GLE1: variants seen among roughly 807,000 people sequenced by gnomAD.
GLE1 encodes GLE1 RNA export mediator.
In GLE1, 78 loss-of-function variants were observed where a neutral mutation model predicts 97.3. The observed-to-expected ratio is 0.80, with a 90% CI of 0.67 to 0.97. The LOEUF (loss-of-function observed/expected upper bound fraction) is 0.97, where lower values mean the gene tolerates loss of function less well. GLE1 is among the 50% of genes least tolerant of loss of function. The pLI, the probability that GLE1 is intolerant of heterozygous loss-of-function variation, is 0.00. For synonymous variants in GLE1, 302 were observed against 313.4 expected (o/e 0.96, Z 0.39); for missense variants, 753 against 857.5 (o/e 0.88, Z 1.52).
intron 3 of GLE1, among the ~76,000 whole-genome samples, chr9:128,518,729 A>G (rs1033071617): frequency 6.6e-6 from 1 of 151,944 alleles, no homozygotes; most frequent in African/African-American, 2.4e-5. Context: ...TTAGCCAGGC[A>G]TGGTGGCAGG....
At chr9:128,528,255 C>T (rs556642871) in intron 9 of GLE1, among the ~76,000 whole-genome samples, 8 of 151,280 alleles carry the variant, frequency 5.3e-5, no homozygotes, top group African/African-American at 1.2e-4. Flanking sequence ...CCACCTGCCT[C>T]GGCCTCCCAA....
intron 15 of GLE1, chr9:128,540,629 G>T: frequency 2.4e-6 from 1 of 416,214 alleles, no homozygotes; most frequent in Non-Finnish European, 4.4e-6. Flanking sequence ...TGTTGGCCAA[G>T]GTTATTTTCT....
chr9:128,530,053 C>T (rs1179872764), intron 9 of GLE1, among the ~76,000 whole-genome samples: 1 of 152,202 alleles, frequency 6.6e-6, no homozygotes, highest in Non-Finnish European at 1.5e-5. Flanking sequence ...ACCTCGGCCT[C>T]CCAAAGTGCT....
chr9:128,540,909 AT>A (rs954643020), intron 15 of GLE1, 192 bp from the exon 16 acceptor site: 1 of 601,550 alleles, frequency 1.7e-6, no homozygotes, highest in Admixed American at 2.8e-5. Context: ...AGAGCATTTC[AT>A]TTGTTGTCTG....
chr9:128,519,797 T>C (rs1847087710), intron 3 of GLE1, among the ~76,000 whole-genome samples: 4 of 152,194 alleles, frequency 2.6e-5, no homozygotes, highest in Admixed American at 2.6e-4. Context: ...AATAAAAACT[T>C]GCTGGTTTTA....
rs539890778 is a variant in GLE1 at position 128,538,161 on chromosome 9, A to G, written c.1881+71A>G. 4 of 803,426 alleles carry G rather than the reference A, an allele frequency of 5.0e-6. No individual in the cohort carries two copies. The East Asian group carries it at 9.8e-5, about 20-fold the overall frequency. The allele number at this position is 803,426 out of a possible 1,614,324, so 49.8% of individuals were successfully genotyped here. ...AGCCTTGATCCACTGGGTGACATGA[A>G]TGGGGAAACAGCATAGCATTTGGGC... On this transcript the variant is annotated intron_variant, in intron 13 of 15. Coordinates refer to ENST00000309971, the MANE Select transcript of GLE1 (RefSeq NM_001003722.2).
intron 3 of GLE1, among the ~76,000 whole-genome samples, chr9:128,516,595 A>C (rs1013839467): frequency 6.6e-6 from 1 of 152,064 alleles, no homozygotes; most frequent in Non-Finnish European, 1.5e-5. Context: ...CTGGGATTAC[A>C]GGCATGAGCC....
At chr9:128,527,358 T>C (rs968040150) in intron 8 of GLE1, 67 bp downstream of exon 8, 13 of 1,275,824 alleles carry the variant, frequency 1.0e-5, no homozygotes, top group Non-Finnish European at 1.5e-5. Flanking sequence ...TCACTTCGTG[T>C]CCCAAAGGAA....
At chr9:128,537,076 C>G (rs1847734060) in intron 12 of GLE1, 1 of 154,536 alleles carries the variant, frequency 6.5e-6, no homozygotes. Flanking sequence ...CTAATTGTTA[C>G]CCTATGGAAT....
At chr9:128,540,877 C>G (rs1171356794) in intron 15 of GLE1, 2 of 564,250 alleles carry the variant, frequency 3.5e-6, no homozygotes, top group Non-Finnish European at 6.3e-6. Flanking sequence ...TGTAGGGAGA[C>G]AAGAGTGGGA....
rs372834398 is a variant in GLE1, at chr9:128,515,685, A to G, written c.432+46A>G. ...AGGCAGCCTTGATCCTGCGAGCCAC[A>G]TTTAACTGCAGTTCCCCAGGGCGTA... On this transcript the variant is annotated intron_variant, in intron 3 of 15. Transcript: ENST00000309971. The G allele has an allele frequency of 1.3e-5, 13 of 974,496 alleles. No individual in the cohort carries two copies. In the African/African-American group the frequency reaches 1.4e-4, roughly 11 times the overall value. The allele number at this position is 974,496 out of a possible 1,614,324, so 60.4% of individuals were successfully genotyped here.
At chr9:128,540,678 T>C (rs1404856939) in intron 15 of GLE1, 7 of 375,096 alleles carry the variant, frequency 1.9e-5, no homozygotes, top group Non-Finnish European at 2.5e-5. Context: ...GTCATCACTT[T>C]TCTCCATGAG....
chr9:128,535,376 G>C (rs1847670070), intron 11 of GLE1, among the ~76,000 whole-genome samples: 1 of 151,888 alleles, frequency 6.6e-6, no homozygotes, highest in African/African-American at 2.4e-5. Context: ...CAAAAAATTA[G>C]CTGGGCATGG....
chr9:128,510,282 G>A (rs953097458), intron 2 of GLE1, among the ~76,000 whole-genome samples: 8 of 150,612 alleles, frequency 5.3e-5, no homozygotes, highest in African/African-American at 1.7e-4. Context: ...AGGCTGGAGT[G>A]CAGTGACGCA....
chr9:128,519,283 C>T (rs926776020), intron 3 of GLE1, among the ~76,000 whole-genome samples: 4 of 152,186 alleles, frequency 2.6e-5, no homozygotes, highest in African/African-American at 9.7e-5. Context: ...AGAGAGATAA[C>T]CTTAAACTCT....
intron 9 of GLE1, among the ~76,000 whole-genome samples, chr9:128,527,896 G>A (rs1196062488): frequency 1.1e-4 from 17 of 149,524 alleles, no homozygotes; most frequent in Admixed American, 2.7e-4. Context: ...CCCAGGAGGC[G>A]GAGATTGCAG....
At chr9:128,522,294 G>A (rs1847172565) in intron 3 of GLE1, among the ~76,000 whole-genome samples, 1 of 152,226 alleles carries the variant, frequency 6.6e-6, no homozygotes, top group South Asian at 2.1e-4. Flanking sequence ...GATGGTGTTA[G>A]GGGCCGATGG....
chr9:128,526,913 T>C (rs1396122514), intron 7 of GLE1, among the ~76,000 whole-genome samples: 1 of 152,172 alleles, frequency 6.6e-6, no homozygotes, highest in East Asian at 1.9e-4. Context: ...TGTCTTGGCC[T>C]CCTAGAGTAC....
intron 3 of GLE1, among the ~76,000 whole-genome samples, chr9:128,520,799 G>A (rs1226155774): frequency 6.6e-6 from 1 of 151,728 alleles, no homozygotes; most frequent in Non-Finnish European, 1.5e-5. Context: ...CGTTGCTCAG[G>A]CTGGAATACA....
Sources: allele counts gnomAD v4.1 joint callset (sites outside exome capture counted in the v4.1 genomes callset), GRCh38; gene constraint gnomAD v4.1.1; transcripts MANE v1.5; gene names NCBI Gene and HGNC (gene_info 2026-07-23, HGNC 2026-07-21).